The following COG3 variants were observed in gnomAD, a reference collection of about 807,000 sequenced individuals.
COG3 encodes component of oligomeric golgi complex 3.
COG3 carries 32 observed loss-of-function variants against 114.1 expected under a neutral mutation model. That is an observed-to-expected ratio of 0.28 (90% CI 0.21 to 0.38). The LOEUF is 0.38. Among genes scored for constraint, COG3 ranks in the 10% least tolerant of loss-of-function variants. The pLI is 1.00. For synonymous variants in COG3, 352 were observed against 365.7 expected, an observed-to-expected ratio of 0.96 and a Z score of 0.43; for missense variants, 813 against 973.2, an observed-to-expected ratio of 0.84 and a Z score of 2.19.
At position 45,525,039 on chromosome 13, in the gene COG3, T is replaced by G; in HGVS notation, c.2218T>G (p.Trp740Gly). Residue 740 changes from tryptophan to glycine, a missense_variant, in exon 20 of 23, where the codon TGG (tryptophan) becomes GGG (glycine). By Grantham distance (184) the Trp-to-Gly change is radical. Transcript: ENST00000349995. ...CAAGTATACTCTCTCACAGCAGCCT[T>G]GGGCACAACCAGGTATTCTGATTTG... ...GPKYTLSQQPWAQPAKVNDLA... is the reference protein window; with the variant it reads ...GPKYTLSQQPGAQPAKVNDLA... 6.2e-7 allele frequency: 1 copy of G among 1,613,746 alleles called. No homozygotes were observed. The highest frequency in any genetic ancestry group is 8.5e-7 in the Non-Finnish European group (1 of 1,179,746).
At chr13:45,500,206 T>A (rs546338948) in intron 13 of COG3, among the ~76,000 whole-genome samples, 1 of 152,012 alleles carries the variant, frequency 6.6e-6, no homozygotes, top group Non-Finnish European at 1.5e-5. Flanking sequence ...ATAATTTTGC[T>A]AAGTCATCAT....
chr13:45,508,382 ATT>A (rs143607555), intron 14 of COG3, among the ~76,000 whole-genome samples: 46,882 of 122,096 alleles, frequency 0.38, 8,424 homozygotes, highest in Admixed American at 0.49. Flanking sequence ...TTTTATATAT[ATT>A]TTTATATATA....
chr13:45,520,829 C>T (rs1200629066), intron 19 of COG3, among the ~76,000 whole-genome samples: 2 of 152,110 alleles, frequency 1.3e-5, no homozygotes, highest in Admixed American at 1.3e-4. Flanking sequence ...ACAGTTTTTA[C>T]TGAAACTACC....
intron 12 of COG3, chr13:45,493,792 A>C (rs758464038): frequency 3.3e-5 from 6 of 183,704 alleles, no homozygotes; most frequent in Non-Finnish European, 6.8e-5. Flanking sequence ...TTTCTAGCAC[A>C]CTGTTACCAG....
At chr13:45,511,611 T>C (rs56260231) in intron 15 of COG3, among the ~76,000 whole-genome samples, 154 bp from the exon 16 acceptor site, 22,010 of 152,262 alleles carry the variant, frequency 0.14, 2,544 homozygotes, top group African/African-American at 0.32. Context: ...AAAGGTTGCA[T>C]GGGAATAGGA....
At chr13:45,521,158 A>ATT (rs35160993) in intron 19 of COG3, among the ~76,000 whole-genome samples, 10 of 150,482 alleles carry the variant, frequency 6.6e-5, no homozygotes, top group East Asian at 5.8e-4. Context: ...GTCTCAAAAC[A>ATT]TTTTTTTTTT....
chr13:45,526,076 ATTTTTTTT>A (rs386379016), intron 20 of COG3, among the ~76,000 whole-genome samples: 305 of 56,578 alleles, frequency 5.4e-3, no homozygotes, highest in African/African-American at 0.019. Flanking sequence ...CAAAATTTTA[ATTTTTTTT>A]TTTTTTTTTT....
chr13:45,505,201 A>C (rs907982685), intron 14 of COG3, among the ~76,000 whole-genome samples: 1 of 151,592 alleles, frequency 6.6e-6, no homozygotes, highest in African/African-American at 2.4e-5. Context: ...AAATAAAAAA[A>C]AAAAGGAAAA....
intron 3 of COG3, 22 bp from the exon 4 acceptor site, chr13:45,480,103 C>T (rs1305881829): frequency 1.3e-6 from 2 of 1,562,720 alleles, no homozygotes; most frequent in African/African-American, 1.4e-5. Context: ...ATTGCCAATC[C>T]CCTTTTGGTT....
At chr13:45,534,389 C>T (rs751993532) in intron 22 of COG3, 1 of 235,932 alleles carries the variant, frequency 4.2e-6, no homozygotes, top group Non-Finnish European at 8.1e-6. Flanking sequence ...GTGGCTGCCT[C>T]AGAAATAGAC....
intron 20 of COG3, among the ~76,000 whole-genome samples, chr13:45,529,172 T>C (rs1872947607): frequency 6.6e-6 from 1 of 152,196 alleles, no homozygotes; most frequent in African/African-American, 2.4e-5. Context: ...TTCTTTGTAG[T>C]TTTCTAGATA....
intron 22 of COG3, among the ~76,000 whole-genome samples, chr13:45,531,504 G>GTT (rs35581278): frequency 1.2e-3 from 175 of 149,428 alleles, no homozygotes; most frequent in South Asian, 1.7e-3. Context: ...TAAATCTTGT[G>GTT]TTTTTGTTTT....
intron 17 of COG3, among the ~76,000 whole-genome samples, chr13:45,516,805 C>G (rs775997502): frequency 6.6e-6 from 1 of 152,032 alleles, no homozygotes; most frequent in African/African-American, 2.4e-5. Context: ...TGTCATGATA[C>G]CTTCACGAGG....
Position 45,511,806 on chromosome 13 carries a change from C to T in COG3, c.1761C>T (p.Ala587=). The change falls in exon 16 of 23, where the codon GCC becomes GCT. Residue 587 remains alanine, a synonymous_variant. Coordinates refer to ENST00000349995, the MANE Select transcript of COG3 (RefSeq NM_031431.4). ...FQGLSQEALS[A]CIQSLLGASE... is the part of the protein sequence containing the mutation. The stretch of plus-strand genomic sequence containing the variant: ...GATTATCACAGGAAGCATTGTCTGC[C>T]TGCATTCAGTCCTTACTTGGAGCGT... 8.1e-6 allele frequency: 13 copies of T among 1,613,990 alleles called. No homozygotes were observed. Among genetic ancestry groups the T allele is most frequent in the South Asian group, 1.1e-5 (1 of 91,080 alleles).
intron 16 of COG3, among the ~76,000 whole-genome samples, chr13:45,514,157 CTTTTTTTTT>C (rs57033822): frequency 1.1e-5 from 1 of 93,858 alleles, no homozygotes; most frequent in Non-Finnish European, 2.0e-5. Context: ...TGTCCTCTCT[CTTTTTTTTT>C]TTTTTTTTTT....
chr13:45,526,374 C>G (rs1337988118), intron 20 of COG3, among the ~76,000 whole-genome samples: 1 of 152,020 alleles, frequency 6.6e-6, no homozygotes, highest in Non-Finnish European at 1.5e-5. Context: ...GCCTGAGCCA[C>G]CATGCCTGGC....
chr13:45,531,151 G>T (rs1873136146), intron 22 of COG3: 2 of 756,398 alleles, frequency 2.6e-6, no homozygotes, highest in Non-Finnish European at 3.2e-6. Context: ...TTTTCTGTAG[G>T]TTACTGGGGT....
chr13:45,467,366 A>C (rs7326477), intron 1 of COG3, among the ~76,000 whole-genome samples: 16,025 of 152,166 alleles, frequency 0.11, 2,410 homozygotes, highest in African/African-American at 0.33. Context: ...CTAAGGCGGG[A>C]GAATCACTTG....
At chr13:45,502,525 C>T (rs576599448) in intron 13 of COG3, among the ~76,000 whole-genome samples, 1 of 152,158 alleles carries the variant, frequency 6.6e-6, no homozygotes, top group South Asian at 2.1e-4. Flanking sequence ...ATCTGCATGC[C>T]GTTTAGGAAT....
Sources: allele counts gnomAD v4.1 joint callset (sites outside exome capture counted in the v4.1 genomes callset), GRCh38; gene constraint gnomAD v4.1.1; transcripts MANE v1.5; gene names NCBI Gene and HGNC (gene_info 2026-07-23, HGNC 2026-07-21).